TNFRSF19: variants seen among roughly 807,000 people sequenced by gnomAD.
The protein encoded by TNFRSF19 is tumor necrosis factor receptor superfamily member 19.
A neutral mutation model predicts 46.4 loss-of-function variants in TNFRSF19; 27 were observed. The ratio of observed to expected loss-of-function variants is 0.58; its 90% confidence interval spans 0.43 to 0.80. TNFRSF19 has a LOEUF of 0.80. TNFRSF19 is among the 30% of genes least tolerant of loss of function. The pLI, the probability that TNFRSF19 is intolerant of heterozygous loss-of-function variation, is 0.00. For missense variants in TNFRSF19, 511 were observed against 530.8 expected, an observed-to-expected ratio of 0.96 and a Z score of 0.37; for synonymous variants, 204 against 205.0, an observed-to-expected ratio of 1.00 and a Z score of 0.04.
At chr13:23,605,585 G>T (rs1034902534) in intron 3 of TNFRSF19, among the ~76,000 whole-genome samples, 2 of 152,100 alleles carry the variant, frequency 1.3e-5, no homozygotes, top group African/African-American at 4.8e-5. Context: ...GTAAGGGGTG[G>T]GTAAATAAGC....
chr13:23,632,632 TCTA>T (rs1370637972), intron 5 of TNFRSF19, among the ~76,000 whole-genome samples: 1 of 152,204 alleles, frequency 6.6e-6, no homozygotes, highest in Non-Finnish European at 1.5e-5. Flanking sequence ...TGGAAAATAA[TCTA>T]AAATAGTGGT....
At chr13:23,658,925 TAA>T in intron 5 of TNFRSF19, 123 bp from the exon 6 acceptor site, 1 of 1,270,224 alleles carries the variant, frequency 7.9e-7, no homozygotes, top group South Asian at 1.3e-5. Flanking sequence ...GAGCCATCTT[TAA>T]ATATCTCATG....
chr13:23,576,268 G>A (rs1877951105), intron 1 of TNFRSF19, among the ~76,000 whole-genome samples: 1 of 151,854 alleles, frequency 6.6e-6, no homozygotes. Flanking sequence ...CTAGTAGCTG[G>A]GATTACAGGC....
At chr13:23,594,545 C>G (rs1294258466) in intron 3 of TNFRSF19, 1 of 192,162 alleles carries the variant, frequency 5.2e-6, no homozygotes, top group Non-Finnish European at 1.1e-5. Flanking sequence ...AGCCAGACTG[C>G]CTTTCTAGAT....
At chr13:23,620,689 T>C (rs1304512288) in intron 4 of TNFRSF19, among the ~76,000 whole-genome samples, 2 of 152,214 alleles carry the variant, frequency 1.3e-5, no homozygotes, top group Admixed American at 6.5e-5. Context: ...TGCCAATTGA[T>C]GATTTTGGGG....
chr13:23,589,074 G>C (rs1454752689), intron 1 of TNFRSF19, among the ~76,000 whole-genome samples: 1 of 152,184 alleles, frequency 6.6e-6, no homozygotes, highest in East Asian at 1.9e-4. Context: ...CATGGTTCTG[G>C]TTCTGTGCTC....
intron 5 of TNFRSF19, among the ~76,000 whole-genome samples, chr13:23,653,485 G>T (rs928236937): frequency 1.7e-4 from 26 of 152,188 alleles, no homozygotes; most frequent in Admixed American, 5.9e-4. Flanking sequence ...GGAAGTGCTG[G>T]GGAGAAACTG....
intron 1 of TNFRSF19, among the ~76,000 whole-genome samples, chr13:23,573,542 G>T (rs1205211024): frequency 2.6e-5 from 4 of 152,108 alleles, no homozygotes; most frequent in African/African-American, 9.7e-5. Context: ...TGTGTGTTTT[G>T]AAGGAATTGA....
chr13:23,590,399 A>G (rs546666443), intron 2 of TNFRSF19, 147 bp downstream of exon 2: 7 of 468,036 alleles, frequency 1.5e-5, no homozygotes, highest in Non-Finnish European at 2.6e-5. Context: ...CAGTGGTGCA[A>G]TCTTGGCTCA....
chr13:23,590,204 A>C lies in TNFRSF19; in HGVS notation c.21A>C (p.Leu7=). The C allele has an allele frequency of 6.3e-7, 1 of 1,597,496 alleles. No homozygotes were observed. The highest frequency in any genetic ancestry group is 1.1e-5 in the South Asian group (1 of 87,804). The change falls in exon 2 of 10, where the codon CTA becomes CTC. Residue 7 remains leucine (L), a synonymous_variant. Coordinates refer to ENST00000248484, the MANE Select transcript of TNFRSF19 (RefSeq NM_148957.4). ...GAAAGATGGCTTTAAAAGTGCTACT[A>C]GAACAAGAGAAAACGTTTTTCACTC... MALKVL[L]EQEKTFFTLL...
intron 1 of TNFRSF19, among the ~76,000 whole-genome samples, chr13:23,572,327 G>A (rs1178702810): frequency 6.6e-6 from 1 of 151,818 alleles, no homozygotes. Context: ...TATCGGTTTA[G>A]TTTGATTTTT....
At chr13:23,607,878 G>C (rs1469477805) in intron 3 of TNFRSF19, among the ~76,000 whole-genome samples, 1 of 152,142 alleles carries the variant, frequency 6.6e-6, no homozygotes, top group South Asian at 2.1e-4. Flanking sequence ...TGGTTAAGCA[G>C]GTATAGTTAA....
chr13:23,627,520 A>G (rs1314568743), intron 5 of TNFRSF19, among the ~76,000 whole-genome samples: 1 of 152,218 alleles, frequency 6.6e-6, no homozygotes, highest in Non-Finnish European at 1.5e-5. Flanking sequence ...AAACCTGGTC[A>G]ATAGAAACCC....
chr13:23,651,246 T>C (rs190410319), intron 5 of TNFRSF19, among the ~76,000 whole-genome samples: 1 of 152,328 alleles, frequency 6.6e-6, no homozygotes, highest in East Asian at 1.9e-4. Context: ...TGGATTGAAT[T>C]GTAGTTTACT....
In TNFRSF19 at chr13:23,652,841, C is replaced by T. The variant is rs68041523; in HGVS notation, c.446-6209C>T. On this transcript the variant is annotated intron_variant, in intron 5 of 9. Coordinates refer to ENST00000248484, the MANE Select transcript of TNFRSF19 (RefSeq NM_148957.4). ...TTATTTCATAGACATTCATTCATTC[C>T]GTCATTTAACACATATTTATCAGGC... Among the ~76,000 whole-genome samples the T allele has an allele frequency of 6.5e-3, 993 of 152,238 alleles. 8 individuals are homozygous for T. Among genetic ancestry groups the T allele is most frequent in the Admixed American group, 0.01 (159 of 15,298 alleles).
intron 1 of TNFRSF19, among the ~76,000 whole-genome samples, chr13:23,585,155 A>G (rs181387551): frequency 6.6e-6 from 1 of 152,342 alleles, no homozygotes; most frequent in Non-Finnish European, 1.5e-5. Context: ...ATCTTATTAC[A>G]TATTAGAAAA....
At chr13:23,594,314 A>T in intron 3 of TNFRSF19, 1 of 451,382 alleles carries the variant, frequency 2.2e-6, no homozygotes, top group Non-Finnish European at 4.4e-6. Flanking sequence ...AGCTCAGCAG[A>T]TCCAACTCCC....
At chr13:23,587,994 G>A (rs901588214) in intron 1 of TNFRSF19, among the ~76,000 whole-genome samples, 1 of 152,162 alleles carries the variant, frequency 6.6e-6, no homozygotes, top group Admixed American at 6.5e-5. Flanking sequence ...AGTCTTCAAG[G>A]ACTGTCACAT....
At chr13:23,603,129 GAC>G (rs1880278788) in intron 3 of TNFRSF19, among the ~76,000 whole-genome samples, 1 of 151,894 alleles carries the variant, frequency 6.6e-6, no homozygotes, top group South Asian at 2.1e-4. Context: ...TAAGGGAGAG[GAC>G]ACAAAGTACT....
Sources: allele counts gnomAD v4.1 joint callset (sites outside exome capture counted in the v4.1 genomes callset), GRCh38; gene constraint gnomAD v4.1.1; transcripts MANE v1.5; gene names NCBI Gene and HGNC (gene_info 2026-07-23, HGNC 2026-07-21).